Variants in EPB41 observed in about 807,000 individuals in gnomAD.
EPB41 encodes the protein protein 4.1.
EPB41 carries 65 observed loss-of-function variants against 108.0 expected under a neutral mutation model. That is an observed-to-expected ratio of 0.60 (90% CI 0.49 to 0.74). The LOEUF (loss-of-function observed/expected upper bound fraction) is 0.74, where lower values mean the gene tolerates loss of function less well. Among genes scored for constraint, EPB41 ranks in the 30% least tolerant of loss-of-function variants. The pLI is 0.00. For synonymous variants in EPB41, 336 were observed against 358.9 expected (o/e 0.94, Z 0.72); for missense variants, 875 against 1,037.0 (o/e 0.84, Z 2.15).
chr1:28,993,157 T>G (rs1040666806), intron 2 of EPB41, among the ~76,000 whole-genome samples, 173 bp from the exon 3 acceptor site: 7 of 152,184 alleles, frequency 4.6e-5, no homozygotes, highest in African/African-American at 1.7e-4. Flanking sequence ...AACAAAGTCT[T>G]TAGGGCATTT....
At chr1:28,967,425 A>G (rs4578183) in intron 1 of EPB41, among the ~76,000 whole-genome samples, 67,662 of 151,950 alleles carry the variant, frequency 0.45, 17,656 homozygotes, top group East Asian at 0.85. Flanking sequence ...GTCTAGAATG[A>G]TGAGGAACTG....
intron 1 of EPB41, among the ~76,000 whole-genome samples, chr1:28,907,167 C>T (rs936020274): frequency 2.0e-5 from 3 of 151,620 alleles, no homozygotes; most frequent in South Asian, 2.1e-4. Flanking sequence ...TGGGTTCAAG[C>T]GATTCTTGTT....
chr1:29,014,975 G>A (rs1171804044), intron 5 of EPB41, among the ~76,000 whole-genome samples: 3 of 151,960 alleles, frequency 2.0e-5, no homozygotes, highest in Non-Finnish European at 1.5e-5. Context: ...GGGAGACCCC[G>A]TCTCTACAAA....
intron 1 of EPB41, among the ~76,000 whole-genome samples, chr1:28,955,537 G>GTATAT (rs2149039101): frequency 6.6e-6 from 1 of 152,202 alleles, no homozygotes; most frequent in Admixed American, 6.5e-5. Flanking sequence ...TAGAGACGGA[G>GTATAT]TTTCACCATG....
chr1:28,985,350 A>C (rs184539641), intron 1 of EPB41, among the ~76,000 whole-genome samples: 2 of 152,294 alleles, frequency 1.3e-5, no homozygotes, highest in East Asian at 3.9e-4. Flanking sequence ...GTCAAGGTTC[A>C]TGTCCTTATA....
intron 17 of EPB41, among the ~76,000 whole-genome samples, chr1:29,103,965 C>T (rs1201920646): frequency 6.6e-6 from 1 of 152,204 alleles, no homozygotes; most frequent in East Asian, 1.9e-4. Context: ...CTGCTCCCGG[C>T]CCACATTGCT....
rs1348351791 is a variant in EPB41 at position 29,039,538 on chromosome 1, T to C, written c.1636+112T>C. On this transcript the variant is annotated intron_variant, in intron 11 of 20. Coordinates refer to ENST00000343067, the MANE Select transcript of EPB41 (RefSeq NM_001376013.1). ...TAAAGAAGCTCAGGGTTGGGCCTGG[T>C]GCAGTGGCTTACACCTGTAATCCTA... The C allele has an allele frequency of 1.9e-5, 26 of 1,375,010 alleles. No homozygotes were observed. In the Middle Eastern group the frequency reaches 1.0e-3, roughly 53 times the overall value. The allele number at this position is 1,375,010 out of a possible 1,614,324, so 85.2% of individuals were successfully genotyped here. A position where few individuals can be genotyped will look rare whatever the true frequency, so the allele number is the denominator to read the frequency against.
rs545019446 is a variant in EPB41 at position 29,044,639 on chromosome 1, C to T, written c.1636+5213C>T. On this transcript the variant is annotated intron_variant, in intron 11 of 20. Transcript: ENST00000343067. ...GGCGGATCATTTGAGGTCAGGAGTT[C>T]GAGACCAACCAGGCTGACATGTTGA... Among the ~76,000 whole-genome samples the T allele has an allele frequency of 6.1e-4, 93 of 152,118 alleles. 2 individuals carry two copies. The South Asian group carries it at 9.1e-3, about 15-fold the overall frequency.
At chr1:29,110,099 G>A (rs1455882668) in intron 18 of EPB41, among the ~76,000 whole-genome samples, 2 of 151,736 alleles carry the variant, frequency 1.3e-5, no homozygotes, top group African/African-American at 4.8e-5. Flanking sequence ...ACTTTGGGAG[G>A]CTGAGACAGG....
chr1:28,987,670 G>A lies in EPB41; in HGVS notation c.233G>A (p.Gly78Glu), dbSNP rs368272153. The A allele has an allele frequency of 1.9e-6, 3 of 1,614,208 alleles. No homozygotes were observed. Among genetic ancestry groups the A allele is most frequent in the East Asian group, 2.2e-5 (1 of 44,880 alleles). ...KNKERTSESR[G>E]LSRLFSSFLK... Reference sequence around the variant, plus strand: ...AAGGAGCGGACATCAGAAAGCAGAGGACTTTCACGACTATTCTCCTCGTTT... The same window carrying A: ...AAGGAGCGGACATCAGAAAGCAGAGAACTTTCACGACTATTCTCCTCGTTT... Residue 78 changes from glycine to glutamate, a missense_variant, in exon 2 of 21, where the codon GGA becomes GAA. Gly to Glu is a moderately conservative substitution (Grantham distance 98). This residue lies in a region of EPB41 where 353 missense variants were observed against 393.2 expected (regional missense o/e 0.90). Transcript: ENST00000343067.
At chr1:29,075,174 AATCTTTTGTGATTG>A (rs1653452859) in intron 16 of EPB41, among the ~76,000 whole-genome samples, 3 of 147,948 alleles carry the variant, frequency 2.0e-5, no homozygotes, top group Admixed American at 2.0e-4. Flanking sequence ...AAAAAAAAAA[AATCTTTTGTGATTG>A]AAATCCTAGG....
At chr1:29,026,965 G>A (rs2096726858) in intron 7 of EPB41, among the ~76,000 whole-genome samples, 1 of 151,932 alleles carries the variant, frequency 6.6e-6, no homozygotes. Context: ...GGTGGCGGGT[G>A]CCTGTAGTTC....
At chr1:29,028,352 G>A (rs1372324430) in intron 7 of EPB41, among the ~76,000 whole-genome samples, 2 of 152,112 alleles carry the variant, frequency 1.3e-5, no homozygotes, top group Non-Finnish European at 2.9e-5. Context: ...TGATTTGTGT[G>A]TAGATGAACC....
At position 28,994,328 on chromosome 1, in the gene EPB41, C is replaced by T. The variant is rs372982738; in HGVS notation, c.681+786C>T. 3.2e-4 allele frequency among the ~76,000 whole-genome samples: 49 copies of T among 152,112 alleles called. No homozygotes were observed. In the East Asian group the frequency reaches 7.4e-3, roughly 23 times the overall value. On this transcript the variant is annotated intron_variant, in intron 3 of 20. Coordinates refer to ENST00000343067, the MANE Select transcript of EPB41 (RefSeq NM_001376013.1). ...CTGGGACTACAGGCACCCGCCACCACGCCTGGCTAGTTTTTTGTGTTTTAA... is the reference window on the plus strand; with the variant it reads ...CTGGGACTACAGGCACCCGCCACCATGCCTGGCTAGTTTTTTGTGTTTTAA...
intron 1 of EPB41, among the ~76,000 whole-genome samples, chr1:28,899,110 G>C (rs574128217): frequency 7.9e-5 from 12 of 152,272 alleles, no homozygotes; most frequent in African/African-American, 2.9e-4. Context: ...AGAAGCCCAG[G>C]TCTCCAGACC....
chr1:29,058,875 A>G lies in EPB41; in HGVS notation c.1944+23A>G, dbSNP rs915315929. 10 of 1,544,592 alleles carry G rather than the reference A, an allele frequency of 6.5e-6. No homozygotes were observed. The African/African-American group carries it at 1.2e-4, about 19-fold the overall frequency. Reference sequence around the variant, plus strand: ...AAGGTTAGCCATTTTTCACTTTCACAAAACTACATTGCCATTTCACCCATG... The same window carrying G: ...AAGGTTAGCCATTTTTCACTTTCACGAAACTACATTGCCATTTCACCCATG... On this transcript the variant is annotated intron_variant, in intron 14 of 20. Transcript: ENST00000343067.
At position 28,947,336 on chromosome 1, in the gene EPB41, AGGCGGATGTTGCAGTG is replaced by A. The variant is rs2094520170; in HGVS notation, c.-8+32575_-8+32590del. 3.3e-5 allele frequency among the ~76,000 whole-genome samples: 5 copies of A among 152,076 alleles called. No individual in the cohort carries two copies. In the South Asian group the frequency reaches 1.0e-3, roughly 32 times the overall value. ...GGCAGGAGAATCGCTTGATCTCGGGAGGCGGATGTTGCAGTGGGCGGAGATCGCACCACTGCACTCC... is the reference window on the plus strand; with the variant it reads ...GGCAGGAGAATCGCTTGATCTCGGGAGGCGGAGATCGCACCACTGCACTCC... On this transcript the variant is annotated intron_variant, in intron 1 of 20. Transcript: ENST00000343067.
At chr1:29,032,750 G>C (rs974851127) in intron 8 of EPB41, among the ~76,000 whole-genome samples, 5 of 151,974 alleles carry the variant, frequency 3.3e-5, no homozygotes, top group African/African-American at 1.2e-4. Flanking sequence ...TCAATTTTAA[G>C]AACCTAAGAT....
At chr1:29,109,675 T>G (rs1668496609) in intron 18 of EPB41, 2 of 549,960 alleles carry the variant, frequency 3.6e-6, no homozygotes, top group Non-Finnish European at 6.6e-6. Flanking sequence ...TAGGTGTGGT[T>G]GTTCTCTTTA....
Sources: gnomAD v4.1 joint callset for allele counts (sites outside exome capture counted in the v4.1 genomes callset) on GRCh38, gnomAD v4.1.1 for gene constraint, gnomAD v4.1.1 regional missense constraint, MANE v1.5 for transcripts, NCBI Gene and HGNC (gene_info 2026-07-23, HGNC 2026-07-21) for gene names.